Variants in PLD5 observed in about 807,000 individuals in gnomAD.
PLD5 encodes inactive phospholipase D5.
PLD5 carries 36 observed loss-of-function variants against 61.1 expected under a neutral mutation model. The ratio of observed to expected loss-of-function variants is 0.59; its 90% CI spans 0.45 to 0.78. The LOEUF is 0.78. Among genes scored for constraint, PLD5 ranks in the 30% least tolerant of loss-of-function variants. The probability of loss-of-function intolerance (pLI) is 0.00; values close to 1 mark genes in which losing one functional copy is unlikely to be tolerated. For synonymous variants in PLD5, 243 were observed against 242.8 expected (o/e 1.00, Z -0.01); for missense variants, 515 against 644.4 (o/e 0.80, Z 2.17).
chr1:242,499,493 A>G (rs1027698), intron 1 of PLD5, among the ~76,000 whole-genome samples: 12,195 of 152,094 alleles, frequency 0.08, 1,225 homozygotes, highest in African/African-American at 0.24. Context: ...CTACATCTCT[A>G]TTGATATGAT....
intron 4 of PLD5, among the ~76,000 whole-genome samples, chr1:242,223,000 T>C (rs12129844): frequency 0.3 from 46,178 of 152,086 alleles, 7,312 homozygotes; most frequent in East Asian, 0.53. Context: ...TCTTAGTCCA[T>C]TTGGGCTGCT....
At chr1:242,108,676 C>T (rs1661252158) in intron 7 of PLD5, among the ~76,000 whole-genome samples, 1 of 152,200 alleles carries the variant, frequency 6.6e-6, no homozygotes, top group South Asian at 2.1e-4. Flanking sequence ...CACTCTCCCT[C>T]CCCTCGGCCC....
At chr1:242,369,414 A>C (rs1456034314) in intron 1 of PLD5, among the ~76,000 whole-genome samples, 2 of 152,222 alleles carry the variant, frequency 1.3e-5, no homozygotes, top group Admixed American at 6.5e-5. Flanking sequence ...ACATATGTGC[A>C]TAAAGATATA....
intron 4 of PLD5, among the ~76,000 whole-genome samples, chr1:242,246,478 A>AACACACACACACTC (rs1672366381): frequency 2.1e-5 from 3 of 141,106 alleles, no homozygotes; most frequent in African/African-American, 8.0e-5. Context: ...TAGAAAAGAC[A>AACACACACACACTC]ACACACACAC....
intron 4 of PLD5, among the ~76,000 whole-genome samples, chr1:242,246,516 CAA>C (rs1491258707): frequency 1.4e-5 from 2 of 147,354 alleles, no homozygotes; most frequent in African/African-American, 5.0e-5. Context: ...CACACACACA[CAA>C]AAGCAAAATC....
chr1:242,495,261 T>C (rs1668333936), intron 1 of PLD5, among the ~76,000 whole-genome samples: 2 of 152,112 alleles, frequency 1.3e-5, no homozygotes, highest in South Asian at 4.1e-4. Context: ...GCTCAAAAAA[T>C]GCTTGTTCAC....
chr1:242,378,706 T>C (rs984564423), intron 1 of PLD5, among the ~76,000 whole-genome samples: 5 of 152,062 alleles, frequency 3.3e-5, no homozygotes, highest in African/African-American at 1.2e-4. Flanking sequence ...CTGGGTGTGT[T>C]GGTGCATGCC....
rs1056489169 is a variant in PLD5 at position 242,095,965 on chromosome 1, C to CT, written c.1354+4702dup. Among the ~76,000 whole-genome samples the CT allele has an allele frequency of 8.0e-5, 12 of 150,396 alleles. No homozygotes were observed. In the South Asian group the frequency reaches 8.4e-4, roughly 11 times the overall value. ...GAAATAATATTCTCTCTTTTTTTTT[C>CT]TTTTTTTTGAGACAGAGGACTCTCA... On this transcript the variant is annotated intron_variant, in intron 9 of 9. Coordinates refer to ENST00000536534, the MANE Select transcript of PLD5 (RefSeq NM_001372062.1).
At chr1:242,442,330 A>G (rs1666313963) in intron 1 of PLD5, among the ~76,000 whole-genome samples, 1 of 152,184 alleles carries the variant, frequency 6.6e-6, no homozygotes. Context: ...CATCTCTCAA[A>G]TTCCGCCACT....
At chr1:242,246,797 C>T (rs931405814) in intron 4 of PLD5, among the ~76,000 whole-genome samples, 2 of 152,180 alleles carry the variant, frequency 1.3e-5, no homozygotes, top group East Asian at 3.9e-4. Context: ...AGTCTCAAGA[C>T]GTCCTGAGAA....
chr1:242,530,118 T>G, the PLD5 span, among the ~76,000 whole-genome samples: 1 of 152,162 alleles, frequency 6.6e-6, no homozygotes, highest in Admixed American at 6.5e-5. Context: ...GGTCTCGAAC[T>G]CCCGACCTCA....
intron 1 of PLD5, among the ~76,000 whole-genome samples, chr1:242,352,601 T>C (rs904727811): frequency 6.6e-6 from 1 of 152,122 alleles, no homozygotes; most frequent in South Asian, 2.1e-4. Flanking sequence ...GCAAATCTAT[T>C]TTTAGTTTTT....
At chr1:242,288,790 T>C (rs1675180043) in intron 2 of PLD5, among the ~76,000 whole-genome samples, 1 of 152,248 alleles carries the variant, frequency 6.6e-6, no homozygotes, top group Admixed American at 6.5e-5. Context: ...ATGTCTCTAA[T>C]GTCCAGTTTC....
chr1:242,204,948 T>C (rs12098208), intron 5 of PLD5, among the ~76,000 whole-genome samples: 12,365 of 152,208 alleles, frequency 0.081, 554 homozygotes, highest in Middle Eastern at 0.12. Flanking sequence ...AGATGTATAG[T>C]GCGTATGTTA....
At chr1:242,128,675 G>A (rs1662995251) in intron 5 of PLD5, among the ~76,000 whole-genome samples, 1 of 152,050 alleles carries the variant, frequency 6.6e-6, no homozygotes, top group Non-Finnish European at 1.5e-5. Flanking sequence ...CACCCAGAAG[G>A]GTACCAGGAT....
Position 242,417,937 on chromosome 1 carries a change from A to C in PLD5, c.190-69695T>G, listed in dbSNP as rs183456198. 3.3e-3 allele frequency among the ~76,000 whole-genome samples: 498 copies of C among 152,292 alleles called. 3 individuals carry two copies. The highest frequency in any genetic ancestry group is 0.011 in the African/African-American group (452 of 41,572). ...TGGAAAACCAAATGCTAAAGGAAGA[A>C]CCACCAGCTAAGAGTGAGTGATGTC... On this transcript the variant is annotated intron_variant, in intron 1 of 9. Coordinates refer to ENST00000536534, the MANE Select transcript of PLD5 (RefSeq NM_001372062.1).
intron 5 of PLD5, among the ~76,000 whole-genome samples, chr1:242,211,779 T>A (rs1287081703): frequency 6.6e-6 from 1 of 152,174 alleles, no homozygotes; most frequent in Non-Finnish European, 1.5e-5. Flanking sequence ...CTGCTCAGGA[T>A]TTCCAAGTTC....
At position 242,524,329 on chromosome 1, in the gene PLD5, G is replaced by T; in HGVS notation, c.-53C>A. 1 of 1,351,826 alleles carries T rather than the reference G, an allele frequency of 7.4e-7. No homozygotes were observed. Among genetic ancestry groups the T allele is most frequent in the Non-Finnish European group, 9.4e-7 (1 of 1,058,344 alleles). The allele number at this position is 1,351,826 out of a possible 1,614,324, so 83.7% of individuals were successfully genotyped here. ...AGCAGCGGACTCGGGACGGGCGCGC[G>T]GGGAGCCGGGCGCGGAGGGCGAGCG... On this transcript the variant is annotated 5_prime_UTR_variant, in exon 1 of 10. Transcript: ENST00000536534.
intron 5 of PLD5, among the ~76,000 whole-genome samples, chr1:242,179,045 A>T (rs980968889): frequency 3.3e-5 from 5 of 152,236 alleles, no homozygotes; most frequent in African/African-American, 9.6e-5. Context: ...CCAGTTGTTC[A>T]TCTACTTGTT....
Sources: gnomAD v4.1 joint callset for allele counts (sites outside exome capture counted in the v4.1 genomes callset) on GRCh38, gnomAD v4.1.1 for gene constraint, MANE v1.5 for transcripts, NCBI Gene and HGNC (gene_info 2026-07-23, HGNC 2026-07-21) for gene names.